The following SYNPO variants were observed in gnomAD, a reference collection of about 807,000 sequenced individuals.
The protein encoded by SYNPO is synaptopodin.
Under a neutral mutation model 49.5 loss-of-function variants are expected in SYNPO, and 19 were observed. That is an observed-to-expected ratio of 0.38 (90% confidence interval 0.27 to 0.56). The LOEUF (loss-of-function observed/expected upper bound fraction) is 0.56, where lower values mean the gene tolerates loss of function less well. Ranked by LOEUF, SYNPO falls within the 20% of genes least tolerant of loss-of-function variation. The pLI is 0.68. For synonymous variants in SYNPO, 536 were observed against 548.0 expected (o/e 0.98, Z 0.31); for missense variants, 1,131 against 1,248.3 (o/e 0.91, Z 1.42).
rs751294741 is a variant in SYNPO at position 150,656,707 on chromosome 5, G to A, written c.2332G>A (p.Glu778Lys). The change falls in exon 3 of 3, where the codon GAG (glutamate) becomes AAG (lysine). Residue 778 changes from glutamate (E) to lysine (K), a missense_variant. By Grantham distance (56) the Glu-to-Lys change is moderately conservative. This residue lies in a region of SYNPO where 509 missense variants were observed against 484.5 expected (regional missense o/e 1.05). Coordinates refer to ENST00000307662, the MANE Select transcript of SYNPO (RefSeq NM_007286.6). ...CGCCTCCCCGCGGTCGGCGGGCGCC[G>A]AGAACCCGCGGCCCTTCTCCCCGCC... The part of the protein sequence containing the change: ...KSASPRSAGA[E>K]NPRPFSPPRA... 7.0e-5 allele frequency: 102 copies of A among 1,447,652 alleles called. No homozygotes were observed. Among genetic ancestry groups the A allele is most frequent in the Admixed American group, 2.5e-4 (10 of 39,742 alleles). 89.7% of individuals were successfully genotyped at this position (1,447,652 alleles called of 1,614,324 possible).
At chr5:150,630,590 C>T (rs1172921877) in intron 2 of SYNPO, among the ~76,000 whole-genome samples, 1 of 152,194 alleles carries the variant, frequency 6.6e-6, no homozygotes, top group Non-Finnish European at 1.5e-5. Context: ...TGCCACCACC[C>T]AACCTGAGCC....
chr5:150,618,975 T>A (rs1757064245), intron 2 of SYNPO, among the ~76,000 whole-genome samples: 1 of 152,090 alleles, frequency 6.6e-6, no homozygotes, highest in Non-Finnish European at 1.5e-5. Context: ...CCCCACTCCT[T>A]TCTCTGCCAA....
intron 1 of SYNPO, among the ~76,000 whole-genome samples, chr5:150,604,174 CA>C (rs1246435724): frequency 6.6e-6 from 1 of 152,234 alleles, no homozygotes; most frequent in East Asian, 1.9e-4. Context: ...CAAGGGCAAA[CA>C]GAGATCTGCT....
intron 2 of SYNPO, chr5:150,652,208 C>A (rs191029852): frequency 2.0e-6 from 2 of 1,000,850 alleles, no homozygotes; most frequent in Non-Finnish European, 2.4e-6. Flanking sequence ...TGCCCTGGAC[C>A]CCTGCTCCCT....
At chr5:150,640,222 A>G, upstream of SYNPO, 3 of 970,990 alleles carry the variant, frequency 3.1e-6, no homozygotes, top group African/African-American at 5.3e-5. Context: ...ACATTGGTGA[A>G]GGCTTTTTGG....
At chr5:150,598,237 C>A (rs1756458918), upstream of SYNPO, among the ~76,000 whole-genome samples, 1 of 152,122 alleles carries the variant, frequency 6.6e-6, no homozygotes, top group Non-Finnish European at 1.5e-5. Flanking sequence ...TTCACGAATG[C>A]CAATTCAGAA....
upstream of SYNPO, among the ~76,000 whole-genome samples, chr5:150,637,895 G>A (rs1757772011): frequency 6.6e-6 from 1 of 152,156 alleles, no homozygotes; most frequent in Admixed American, 6.5e-5. Context: ...TGTGGCCCAA[G>A]GAGTTGGGGG....
chr5:150,620,850 G>C (rs1757129327), intron 2 of SYNPO, among the ~76,000 whole-genome samples: 1 of 151,846 alleles, frequency 6.6e-6, no homozygotes, highest in African/African-American at 2.4e-5. Context: ...TTGTGTTCTT[G>C]CCTGGAACAG....
chr5:150,634,860 ACAC>A (rs545542940), intron 2 of SYNPO, among the ~76,000 whole-genome samples: 1,968 of 63,752 alleles, frequency 0.031, 56 homozygotes, highest in African/African-American at 0.14. Context: ...ACACACACAC[ACAC>A]CACACACACA....
chr5:150,640,542 C>T, upstream of SYNPO: 1 of 605,106 alleles, frequency 1.7e-6, no homozygotes, highest in Non-Finnish European at 2.1e-6. Context: ...AGGAGAGAGG[C>T]ATGAGTGGAG....
chr5:150,647,475 A>G (rs1239359973), intron 1 of SYNPO, among the ~76,000 whole-genome samples: 1 of 152,196 alleles, frequency 6.6e-6, no homozygotes, highest in Non-Finnish European at 1.5e-5. Context: ...CTGGGAAAAG[A>G]TTATTCCAAG....
intron 1 of SYNPO, among the ~76,000 whole-genome samples, chr5:150,647,208 G>A (rs963923206): frequency 4.0e-5 from 6 of 149,310 alleles, no homozygotes; most frequent in African/African-American, 7.5e-5. Flanking sequence ...GCGCCGCTGC[G>A]CTCTAGCCTG....
intron 1 of SYNPO, among the ~76,000 whole-genome samples, chr5:150,604,025 T>C (rs984258291): frequency 4.6e-5 from 7 of 152,218 alleles, no homozygotes; most frequent in Non-Finnish European, 1.0e-4. Flanking sequence ...CTGGATTCCC[T>C]TGAATCCTGT....
At chr5:150,600,206 T>C (rs371485399), upstream of SYNPO, among the ~76,000 whole-genome samples, 1 of 152,374 alleles carries the variant, frequency 6.6e-6, no homozygotes. Flanking sequence ...ACCTGAGGCT[T>C]CCAGGTCTGT....
chr5:150,642,454 C>T (rs751497542), intron 1 of SYNPO, among the ~76,000 whole-genome samples: 2 of 152,214 alleles, frequency 1.3e-5, no homozygotes, highest in African/African-American at 2.4e-5. Flanking sequence ...CAAGTGCAGG[C>T]CACAGCCAGG....
At chr5:150,612,570 A>G (rs920536752) in intron 1 of SYNPO, among the ~76,000 whole-genome samples, 5 of 152,174 alleles carry the variant, frequency 3.3e-5, no homozygotes, top group Admixed American at 1.3e-4. Context: ...CCTTGACTCA[A>G]TCGCTCACTA....
At chr5:150,642,257 T>C (rs575163033) in intron 1 of SYNPO, among the ~76,000 whole-genome samples, 38 of 152,334 alleles carry the variant, frequency 2.5e-4, no homozygotes, top group African/African-American at 8.7e-4. Context: ...GGATTTACCC[T>C]GTTGGACCCA....
intron 2 of SYNPO, among the ~76,000 whole-genome samples, chr5:150,631,709 C>G (rs905086462): frequency 2.0e-5 from 3 of 152,096 alleles, no homozygotes; most frequent in African/African-American, 7.2e-5. Flanking sequence ...ATAGTGCTAT[C>G]GACAGACCCC....
the SYNPO span, among the ~76,000 whole-genome samples, chr5:150,588,313 T>C: frequency 1.3e-5 from 2 of 152,116 alleles, no homozygotes; most frequent in South Asian, 2.1e-4. Context: ...CTGCGTGTTA[T>C]AAAAGGGCCC....
Sources: allele counts gnomAD v4.1 joint callset (sites outside exome capture counted in the v4.1 genomes callset), GRCh38; gene constraint gnomAD v4.1.1; regional missense constraint gnomAD v4.1.1; transcripts MANE v1.5; gene names NCBI Gene and HGNC (gene_info 2026-07-23, HGNC 2026-07-21).